Variants in ZRANB1 observed in about 807,000 individuals in gnomAD.
ZRANB1 encodes zinc finger RANBP2-type containing 1, also known as ubiquitin thioesterase ZRANB1.
Under a neutral mutation model 80.5 loss-of-function variants are expected in ZRANB1, and 16 were observed. That is an observed-to-expected ratio of 0.20 (90% CI 0.13 to 0.30). ZRANB1 has a LOEUF of 0.30. Among genes scored for constraint, ZRANB1 ranks in the 10% least tolerant of loss-of-function variants. ZRANB1 has a pLI of 1.00. For missense variants in ZRANB1, 576 were observed against 862.6 expected (o/e 0.67, Z 4.16); for synonymous variants, 291 against 293.1 (o/e 0.99, Z 0.07).
chr10:124,931,825 T>C, the ZRANB1 span, among the ~76,000 whole-genome samples: 1 of 152,182 alleles, frequency 6.6e-6, no homozygotes, highest in Admixed American at 6.5e-5. Context: ...TGAACCAACA[T>C]TGACACATAA....
At chr10:124,941,324 A>G (rs889150417), upstream of ZRANB1, among the ~76,000 whole-genome samples, 4 of 152,234 alleles carry the variant, frequency 2.6e-5, no homozygotes, top group Admixed American at 2.6e-4. Context: ...AAATCTTTTA[A>G]GTAGTGTGAA....
chr10:124,932,408 G>T, the ZRANB1 span, among the ~76,000 whole-genome samples: 1 of 150,154 alleles, frequency 6.7e-6, no homozygotes, highest in Non-Finnish European at 1.5e-5. Flanking sequence ...TTGTGCTTCA[G>T]CCTCCCAAGT....
intron 1 of ZRANB1, among the ~76,000 whole-genome samples, chr10:124,955,643 A>G (rs972373613): frequency 6.6e-6 from 1 of 152,144 alleles, no homozygotes; most frequent in Non-Finnish European, 1.5e-5. Flanking sequence ...TAGGTAATAG[A>G]GTTATTTTTA....
chr10:124,986,291 G>GCACACACACACACACACA lies in ZRANB1; in HGVS notation c.*1314_*1331dup, dbSNP rs58255988. On this transcript the variant is annotated 3_prime_UTR_variant, in exon 9 of 9. Coordinates refer to ENST00000359653, the MANE Select transcript of ZRANB1 (RefSeq NM_017580.3). The stretch of plus-strand genomic sequence containing the variant: ...AGACGACACACGCACGCGCGCGCGC[G>GCACACACACACACACACA]CACACACACACACACACACACACAC... 1 of 116,018 alleles carries GCACACACACACACACACA rather than the reference G, an allele frequency of 8.6e-6. No individual in the cohort carries two copies. The highest frequency in any genetic ancestry group is 3.3e-5 in the African/African-American group (1 of 30,494). 7.2% of individuals were successfully genotyped at this position (116,018 alleles called of 1,614,324 possible).
intron 3 of ZRANB1, among the ~76,000 whole-genome samples, chr10:124,973,143 A>T (rs538810324): frequency 5.9e-5 from 9 of 152,228 alleles, no homozygotes; most frequent in South Asian, 4.1e-4. Flanking sequence ...TTAGATTTTT[A>T]AAAATTTATT....
At chr10:124,918,223 C>T in the ZRANB1 span, among the ~76,000 whole-genome samples, 2 of 152,154 alleles carry the variant, frequency 1.3e-5, no homozygotes, top group African/African-American at 2.4e-5. Context: ...GGAGTTTCCC[C>T]CTTGTTACCC....
chr10:124,936,013 G>T, the ZRANB1 span, among the ~76,000 whole-genome samples: 1 of 152,320 alleles, frequency 6.6e-6, no homozygotes, highest in African/African-American at 2.4e-5. Context: ...AAAACTTCAT[G>T]AAGATGAGAC....
chr10:124,953,024 A>G lies in ZRANB1; in HGVS notation c.814+9717A>G, dbSNP rs896600861. Among the ~76,000 whole-genome samples the G allele has an allele frequency of 5.9e-5, 9 of 151,912 alleles. 1 individual carries two copies. Among genetic ancestry groups the G allele is most frequent in the African/African-American group, 2.2e-4 (9 of 41,332 alleles). ...ACTGCAACCTCTGCCTCCCAGGTTC[A>G]AGTAATTCTCCTGCCTCAGCCTCCC... is the stretch of plus-strand genomic sequence containing the variant. On this transcript the variant is annotated intron_variant, in intron 1 of 8. Coordinates refer to ENST00000359653, the MANE Select transcript of ZRANB1 (RefSeq NM_017580.3).
At chr10:124,960,087 G>A (rs1328174364) in intron 1 of ZRANB1, among the ~76,000 whole-genome samples, 1 of 152,174 alleles carries the variant, frequency 6.6e-6, no homozygotes, top group African/African-American at 2.4e-5. Context: ...GAGAGGGAAA[G>A]TTTAGGTTTT....
In ZRANB1 at chr10:124,945,095, T is replaced by G. The variant is rs1442738325; in HGVS notation, c.814+1788T>G. ...TAGTTTCCTTAGAGATCAAATTGAT[T>G]TAACATAAAAATTCACCGTTTTGCA... On this transcript the variant is annotated intron_variant, in intron 1 of 8. Coordinates refer to ENST00000359653, the MANE Select transcript of ZRANB1 (RefSeq NM_017580.3). The G allele has an allele frequency of 2.0e-5, 3 of 152,368 alleles. No individual in the cohort carries two copies. In the East Asian group the frequency reaches 5.8e-4, roughly 29 times the overall value. The allele number at this position is 152,368 out of a possible 1,614,324, so 9.4% of individuals were successfully genotyped here. A position where few individuals can be genotyped will look rare whatever the true frequency, so the allele number is the denominator to read the frequency against.
chr10:124,980,683 ATATTT>A (rs763552154), intron 5 of ZRANB1, among the ~76,000 whole-genome samples: 1 of 152,234 alleles, frequency 6.6e-6, no homozygotes, highest in Non-Finnish European at 1.5e-5. Context: ...CTGGAACATT[ATATTT>A]TAATTTCTTT....
intron 1 of ZRANB1, among the ~76,000 whole-genome samples, chr10:124,960,930 A>G (rs1354101823): frequency 6.6e-6 from 1 of 152,074 alleles, no homozygotes; most frequent in Non-Finnish European, 1.5e-5. Flanking sequence ...TCAGTGGTGA[A>G]TGTGGTTTTG....
intron 1 of ZRANB1, 70 bp downstream of exon 1, chr10:124,943,377 G>A: frequency 6.9e-7 from 1 of 1,447,212 alleles, no homozygotes; most frequent in Non-Finnish European, 9.3e-7. Flanking sequence ...GAAAAGAGCT[G>A]GGTGCGCTGA....
At chr10:124,926,834 T>G in the ZRANB1 span, among the ~76,000 whole-genome samples, 1 of 152,168 alleles carries the variant, frequency 6.6e-6, no homozygotes, top group South Asian at 2.1e-4. Context: ...GCCATGACAT[T>G]ATGGTGGCTT....
intron 1 of ZRANB1, among the ~76,000 whole-genome samples, chr10:124,965,958 G>T (rs550093890): frequency 6.6e-6 from 1 of 152,076 alleles, no homozygotes; most frequent in Non-Finnish European, 1.5e-5. Flanking sequence ...TTATTTTAGC[G>T]TATTTTATAT....
the ZRANB1 span, among the ~76,000 whole-genome samples, chr10:124,931,650 C>T: frequency 1.0e-3 from 154 of 152,256 alleles, no homozygotes; most frequent in African/African-American, 3.4e-3. Flanking sequence ...GGATTACAGG[C>T]GTGAGCCACT....
Position 124,966,797 on chromosome 10 carries a change from T to C in ZRANB1, c.1002+16T>C. 3.1e-6 allele frequency: 5 copies of C among 1,598,740 alleles called. No individual in the cohort carries two copies. Among genetic ancestry groups the C allele is most frequent in the East Asian group, 2.2e-5 (1 of 44,576 alleles). ...GCTTACAGAGGTAAGTTTGGCGTTT[T>C]GGTTAAATGTTCTTTTATATTAAAG... On this transcript the variant is annotated intron_variant, in intron 2 of 8. Coordinates refer to ENST00000359653, the MANE Select transcript of ZRANB1 (RefSeq NM_017580.3).
At position 124,972,047 on chromosome 10, in the gene ZRANB1, C is replaced by T; in HGVS notation, c.1085C>T (p.Ser362Phe). 6.2e-7 allele frequency: 1 copy of T among 1,613,978 alleles called. No homozygotes were observed. The highest frequency in any genetic ancestry group is 2.2e-5 in the East Asian group (1 of 44,868). ...CAAATCCGGAGAGAGATAGCTGCCT[C>T]TCTTCATCAGAGAAAGGGGGATTTT... ...TEQIRREIAA[S>F]LHQRKGDFAC... Residue 362 changes from serine to phenylalanine, a missense_variant, in exon 3 of 9, where the codon TCT (serine) becomes TTT (phenylalanine). Ser to Phe is a radical substitution (Grantham distance 155, BLOSUM62 -2). This residue lies in a region of ZRANB1 where 411 missense variants were observed against 583.1 expected (regional missense o/e 0.70). Transcript: ENST00000359653.
At position 124,983,056 on chromosome 10, in the gene ZRANB1, TTTTC is replaced by T. The variant is rs1306920013; in HGVS notation, c.1549-112_1549-109del. On this transcript the variant is annotated intron_variant, in intron 6 of 8. Transcript: ENST00000359653. This position sits in a 1 kb window ranked among gnomAD's most constrained non-coding sequence, Gnocchi z 6.2. Reference sequence around the variant, plus strand: ...GGAATCAAATGCTGCTTTGACAATCTTTTCTTTCTTAAAAACCAACTGCGATAGT... The same window carrying T: ...GGAATCAAATGCTGCTTTGACAATCTTTTCTTAAAAACCAACTGCGATAGT... 1.3e-5 allele frequency: 13 copies of T among 1,016,672 alleles called. No individual in the cohort carries two copies. Among genetic ancestry groups the T allele is most frequent in the Non-Finnish European group, 1.3e-5 (9 of 713,302 alleles). The allele number at this position is 1,016,672 out of a possible 1,614,324, so 63.0% of individuals were successfully genotyped here.
Sources: allele counts gnomAD v4.1 joint callset (sites outside exome capture counted in the v4.1 genomes callset), GRCh38; gene constraint gnomAD v4.1.1; regional missense constraint gnomAD v4.1.1; non-coding constraint Gnocchi (gnomAD v3.1); transcripts MANE v1.5; gene names NCBI Gene and HGNC (gene_info 2026-07-23, HGNC 2026-07-21).